ZNF398: variants seen among roughly 807,000 people sequenced by gnomAD.
ZNF398 encodes the protein zinc finger DNA binding protein ZER6.
Under a neutral mutation model 41.9 loss-of-function variants are expected in ZNF398, and 18 were observed. The observed-to-expected ratio is 0.43, with a 90% CI of 0.30 to 0.64. ZNF398 has a LOEUF of 0.64. Among genes scored for constraint, ZNF398 ranks in the 30% least tolerant of loss-of-function variants. The pLI is 0.14. For missense variants in ZNF398, 669 were observed against 822.8 expected (o/e 0.81, Z 2.29); for synonymous variants, 260 against 308.8 (o/e 0.84, Z 1.66).
At chr7:149,129,167 T>A (rs1826548755) in intron 2 of ZNF398, among the ~76,000 whole-genome samples, 1 of 152,086 alleles carries the variant, frequency 6.6e-6, no homozygotes, top group African/African-American at 2.4e-5. Context: ...ATATTTTGAT[T>A]TCCTTCTTTG....
intron 4 of ZNF398, among the ~76,000 whole-genome samples, chr7:149,170,722 G>A (rs1243573150): frequency 6.6e-6 from 1 of 151,358 alleles, no homozygotes; most frequent in South Asian, 2.1e-4. Context: ...GCAACAGAGC[G>A]AGACTCCATC....
chr7:149,131,504 G>A (rs1255722914), intron 2 of ZNF398, among the ~76,000 whole-genome samples: 2 of 152,102 alleles, frequency 1.3e-5, no homozygotes, highest in Admixed American at 6.6e-5. Flanking sequence ...TGGCCAATAC[G>A]GTGAAACCCC....
chr7:149,146,120 A>AT (rs1018105099), upstream of ZNF398, among the ~76,000 whole-genome samples: 16 of 151,354 alleles, frequency 1.1e-4, no homozygotes, highest in Non-Finnish European at 2.2e-4. Context: ...TAATTTTTGT[A>AT]TTTTTTAGTA....
intron 4 of ZNF398, among the ~76,000 whole-genome samples, chr7:149,167,671 T>C (rs540799923): frequency 6.8e-6 from 1 of 147,220 alleles, no homozygotes; most frequent in African/African-American, 2.5e-5. Context: ...GTCTTGCTCA[T>C]GCGATCTCGA....
In ZNF398 at chr7:149,180,620, G is replaced by A. The variant is rs1795569345; in HGVS notation, c.*819G>A. 6.6e-6 allele frequency: 1 copy of A among 152,186 alleles called. No homozygotes were observed. The highest frequency in any genetic ancestry group is 2.1e-4 in the South Asian group (1 of 4,824). 9.4% of individuals were successfully genotyped at this position (152,186 alleles called of 1,614,324 possible). A position where few individuals can be genotyped will look rare whatever the true frequency, so the allele number is the denominator to read the frequency against. On this transcript the variant is annotated 3_prime_UTR_variant, in exon 6 of 6. Coordinates refer to ENST00000475153, the MANE Select transcript of ZNF398 (RefSeq NM_170686.3). ...AAAAGCTAGAGATCTCAGAGAAATAGCTGGCTTAACAATGACAGAACAGCT... is the reference window on the plus strand; with the variant it reads ...AAAAGCTAGAGATCTCAGAGAAATAACTGGCTTAACAATGACAGAACAGCT...
At chr7:149,128,755 A>AAAATAAAATAAAATAAAAT (rs1563151346) in intron 1 of ZNF398, 1 of 112,662 alleles carries the variant, frequency 8.9e-6, no homozygotes, top group African/African-American at 3.8e-5. Flanking sequence ...TCTGTCTCAA[A>AAAATAAAATAAAATAAAAT]AAAATAAAAT....
chr7:149,145,487 T>A (rs951467529), upstream of ZNF398, among the ~76,000 whole-genome samples: 2 of 152,218 alleles, frequency 1.3e-5, no homozygotes, highest in Non-Finnish European at 2.9e-5. Flanking sequence ...TTGATTTGCA[T>A]CCCTGTTGTT....
chr7:149,177,195 T>C (rs888860610), intron 5 of ZNF398, among the ~76,000 whole-genome samples: 2 of 151,984 alleles, frequency 1.3e-5, no homozygotes, highest in Non-Finnish European at 2.9e-5. Flanking sequence ...TAGTTTTAGC[T>C]CTTGAAAAAA....
intron 4 of ZNF398, among the ~76,000 whole-genome samples, chr7:149,174,490 T>C (rs1795421355): frequency 6.6e-6 from 1 of 152,036 alleles, no homozygotes; most frequent in African/African-American, 2.4e-5. Flanking sequence ...GCCCAGCCCA[T>C]TCAGAAAATT....
upstream of ZNF398, among the ~76,000 whole-genome samples, chr7:149,146,523 C>T (rs191054844): frequency 6.2e-4 from 94 of 152,154 alleles, no homozygotes; most frequent in African/African-American, 2.2e-3. Flanking sequence ...GCACTCCAGC[C>T]TGGACGACAG....
At chr7:149,131,915 C>G (rs905984836) in intron 2 of ZNF398, among the ~76,000 whole-genome samples, 8 of 152,130 alleles carry the variant, frequency 5.3e-5, no homozygotes, top group African/African-American at 1.7e-4. Flanking sequence ...TATGTTCACA[C>G]CTTCTTTGAT....
chr7:149,170,763 C>G (rs1357692327), intron 4 of ZNF398, among the ~76,000 whole-genome samples: 1 of 151,974 alleles, frequency 6.6e-6, no homozygotes, highest in East Asian at 1.9e-4. Flanking sequence ...TGGTACATCT[C>G]TATAGGGCAC....
chr7:149,133,654 A>AATATATATATATATATATATATATATAT (rs146151029), intron 2 of ZNF398, among the ~76,000 whole-genome samples: 5 of 71,844 alleles, frequency 7.0e-5, no homozygotes, highest in African/African-American at 8.9e-5. Context: ...GTGTTTTTTA[A>AATATATATATATATATATATATATATAT]ATATATATAT....
rs186660294 is a variant in ZNF398 at position 149,155,827 on chromosome 7, C to T, written c.420+1487C>T. 2.2e-3 allele frequency among the ~76,000 whole-genome samples: 335 copies of T among 149,980 alleles called. 2 individuals are homozygous for T. Among genetic ancestry groups the T allele is most frequent in the African/African-American group, 7.5e-3 (305 of 40,712 alleles). On this transcript the variant is annotated intron_variant, in intron 2 of 5. Coordinates refer to ENST00000475153, the MANE Select transcript of ZNF398 (RefSeq NM_170686.3). Reference sequence around the variant, plus strand: ...CTGCAAGCTCTGCCTCCCGGGTTCACGCCATTCTCCTGCCTCAGCCTCCTG... The same window carrying T: ...CTGCAAGCTCTGCCTCCCGGGTTCATGCCATTCTCCTGCCTCAGCCTCCTG...
At chr7:149,168,422 A>G (rs1295430903) in intron 4 of ZNF398, among the ~76,000 whole-genome samples, 2 of 152,136 alleles carry the variant, frequency 1.3e-5, no homozygotes, top group African/African-American at 4.8e-5. Flanking sequence ...GAAGACATCA[A>G]TGCATTTTCC....
intron 2 of ZNF398, among the ~76,000 whole-genome samples, chr7:149,138,008 T>A (rs947622757): frequency 6.6e-6 from 1 of 151,234 alleles, no homozygotes; most frequent in Non-Finnish European, 1.5e-5. Flanking sequence ...AAGACCACCC[T>A]GACCAATATA....
chr7:149,156,504 CAAA>C (rs1184656145), intron 2 of ZNF398, among the ~76,000 whole-genome samples: 3 of 36,484 alleles, frequency 8.2e-5, no homozygotes, highest in East Asian at 8.5e-4. Context: ...GACTCCATCT[CAAA>C]AAAAAAAAAA....
At chr7:149,174,318 A>C (rs1489427423) in intron 4 of ZNF398, among the ~76,000 whole-genome samples, 1 of 151,812 alleles carries the variant, frequency 6.6e-6, no homozygotes, top group Non-Finnish European at 1.5e-5. Context: ...CCCTTCCTCA[A>C]GTAATTGTAG....
At position 149,154,281 on chromosome 7, in the gene ZNF398, C is replaced by T. The variant is rs763270519; in HGVS notation, c.361C>T (p.Arg121Cys). Reference protein sequence around the residue: ...RRLENLENLLRNRNFWILRLP... With the variant: ...RRLENLENLLCNRNFWILRLP... ...GCTGGAGAACTTGGAGAACCTGCTG[C>T]GCAACAGGAACTTCTGGATCCTGCG... Residue 121 changes from arginine to cysteine, a missense_variant, in exon 2 of 6, where the codon CGC becomes TGC. Arg to Cys is a radical substitution (Grantham distance 180). This residue lies in a region of ZNF398 where 169 missense variants were observed against 239.5 expected (regional missense o/e 0.71). Transcript: ENST00000475153. The T allele has an allele frequency of 1.8e-5, 29 of 1,613,942 alleles. No homozygotes were observed. The South Asian group carries it at 2.1e-4, about 12-fold the overall frequency.
Sources: gnomAD v4.1 joint callset for allele counts (sites outside exome capture counted in the v4.1 genomes callset) on GRCh38, gnomAD v4.1.1 for gene constraint, gnomAD v4.1.1 regional missense constraint, MANE v1.5 for transcripts, NCBI Gene and HGNC (gene_info 2026-07-23, HGNC 2026-07-21) for gene names.